The following N4BP2 variants were observed in gnomAD, a reference collection of about 807,000 sequenced individuals.
The protein encoded by N4BP2 is NEDD4-binding protein 2.
In N4BP2, 91 loss-of-function variants were observed where a neutral mutation model predicts 152.8. The ratio of observed to expected loss-of-function variants is 0.60; its 90% CI spans 0.50 to 0.71. The LOEUF is 0.71. Ranked by LOEUF, N4BP2 falls within the 30% of genes least tolerant of loss-of-function variation. The pLI is 0.00. For missense variants in N4BP2, 1,923 were observed against 2,059.1 expected, an observed-to-expected ratio of 0.93 and a Z score of 1.28; for synonymous variants, 646 against 705.3, an observed-to-expected ratio of 0.92 and a Z score of 1.33.
rs773806098 is a variant in N4BP2 at position 40,102,177 on chromosome 4, C to T, written c.332C>T (p.Ala111Val). ...SFVASENQVG[A>V]AESKIMEKRP... ...GTTGCTTCTGAGAACCAAGTAGGTG[C>T]AGCAGAAAGTAAAATAATGGAAAAA... Residue 111 changes from alanine to valine, a missense_variant, in exon 4 of 18, where the codon GCA becomes GTA. Ala to Val is a moderately conservative substitution (Grantham distance 64). Transcript: ENST00000261435. 1.2e-6 allele frequency: 2 copies of T among 1,613,772 alleles called. No homozygotes were observed. The highest frequency in any genetic ancestry group is 1.7e-4 in the Middle Eastern group (1 of 6,058).
the N4BP2 span, among the ~76,000 whole-genome samples, chr4:40,184,170 G>A: frequency 6.6e-6 from 1 of 152,176 alleles, no homozygotes; most frequent in Non-Finnish European, 1.5e-5. Flanking sequence ...TGACTATCGG[G>A]CAGGTAGTCA....
chr4:40,189,470 T>C, the N4BP2 span, among the ~76,000 whole-genome samples: 1 of 152,150 alleles, frequency 6.6e-6, no homozygotes, highest in African/African-American at 2.4e-5. This position sits in a 1 kb window ranked among gnomAD's most constrained non-coding sequence, Gnocchi z 4.3. Context: ...AGCTGCGTGA[T>C]CAGCTTCTCC....
At chr4:40,149,902 G>GAAAAAAAA (rs534686637) in intron 16 of N4BP2, among the ~76,000 whole-genome samples, 1 of 95,314 alleles carries the variant, frequency 1.0e-5, no homozygotes, top group Non-Finnish European at 2.2e-5. Flanking sequence ...ATCTCAAAAA[G>GAAAAAAAA]AAAAAAAAAA....
At chr4:40,169,121 G>T in the N4BP2 span, among the ~76,000 whole-genome samples, 6 of 151,582 alleles carry the variant, frequency 4.0e-5, no homozygotes, top group African/African-American at 1.5e-4. Context: ...GGTGGTTCTC[G>T]CCTGTAATCC....
chr4:40,158,499 G>A (rs562290979), downstream of N4BP2, among the ~76,000 whole-genome samples: 4 of 152,182 alleles, frequency 2.6e-5, no homozygotes, highest in South Asian at 4.1e-4. Flanking sequence ...TCAAAATTAA[G>A]AATTATATCT....
At chr4:40,098,102 G>A (rs1455738107) in intron 3 of N4BP2, among the ~76,000 whole-genome samples, 1 of 152,150 alleles carries the variant, frequency 6.6e-6, no homozygotes, top group East Asian at 1.9e-4. Context: ...TTTTACTCCT[G>A]TATCTTCAGC....
intron 8 of N4BP2, among the ~76,000 whole-genome samples, chr4:40,119,457 C>CT (rs1009037957): frequency 6.6e-6 from 1 of 152,140 alleles, no homozygotes; most frequent in African/African-American, 2.4e-5. Flanking sequence ...AATGAAAGCT[C>CT]TTTTTTTCTA....
chr4:40,062,519 T>G (rs1478375388), intron 1 of N4BP2, among the ~76,000 whole-genome samples: 5 of 152,010 alleles, frequency 3.3e-5, no homozygotes, highest in African/African-American at 1.2e-4. Context: ...TGCTTAAAAC[T>G]TTTTTGTGAC....
intron 8 of N4BP2, among the ~76,000 whole-genome samples, chr4:40,118,574 C>T (rs1330609044): frequency 6.6e-6 from 1 of 152,134 alleles, no homozygotes; most frequent in Non-Finnish European, 1.5e-5. Context: ...TTATTGTCCT[C>T]AGAGTTTTGT....
At chr4:40,170,681 A>T in the N4BP2 span, among the ~76,000 whole-genome samples, 2 of 152,122 alleles carry the variant, frequency 1.3e-5, no homozygotes, top group Non-Finnish European at 2.9e-5. Context: ...GACCTCATCC[A>T]TTTTTGTGTT....
chr4:40,110,312 A>G (rs985369435), intron 5 of N4BP2, among the ~76,000 whole-genome samples: 3 of 152,244 alleles, frequency 2.0e-5, no homozygotes, highest in South Asian at 4.1e-4. Context: ...CTTTTTAGGA[A>G]CTGCCATGCT....
At chr4:40,098,408 T>G (rs1171200211) in intron 3 of N4BP2, among the ~76,000 whole-genome samples, 1 of 152,172 alleles carries the variant, frequency 6.6e-6, no homozygotes, top group Non-Finnish European at 1.5e-5. Flanking sequence ...AAGTCTTCAG[T>G]ATGGTAGGTT....
At chr4:40,104,319 T>TGGG (rs1231473937) in intron 4 of N4BP2, among the ~76,000 whole-genome samples, 2 of 151,888 alleles carry the variant, frequency 1.3e-5, no homozygotes, top group Admixed American at 1.3e-4. Flanking sequence ...CATTATCAGT[T>TGGG]GGGTCTCTAT....
At chr4:40,104,246 C>G (rs1259534553) in intron 4 of N4BP2, among the ~76,000 whole-genome samples, 1 of 151,114 alleles carries the variant, frequency 6.6e-6, no homozygotes, top group Non-Finnish European at 1.5e-5. Flanking sequence ...GCCACCGCGC[C>G]TGGCTTGCTA....
intron 4 of N4BP2, among the ~76,000 whole-genome samples, chr4:40,104,807 CT>C (rs397976537): frequency 1.7e-3 from 239 of 142,386 alleles, no homozygotes; most frequent in Middle Eastern, 3.6e-3. Flanking sequence ...CCTGCGTTGT[CT>C]TTTTTTTTTT....
the N4BP2 span, among the ~76,000 whole-genome samples, chr4:40,167,983 A>G: frequency 1.3e-5 from 2 of 152,144 alleles, no homozygotes. Flanking sequence ...GAATAGAGTA[A>G]CTTGGTGGGG....
In N4BP2 at chr4:40,102,392, G is replaced by A. The variant is rs1485502371; in HGVS notation, c.547G>A (p.Asp183Asn). The A allele has an allele frequency of 3.7e-6, 6 of 1,611,898 alleles. No individual in the cohort carries two copies. The highest frequency in any genetic ancestry group is 4.5e-5 in the East Asian group (2 of 44,846). ...FNDSSEFINP[D>N]SSNMTPIFST... ...TGACTCAAGTGAGTTTATAAATCCTGATTCAAGTAATATGACTCCCATTTT... is the reference window on the plus strand; with the variant it reads ...TGACTCAAGTGAGTTTATAAATCCTAATTCAAGTAATATGACTCCCATTTT... Residue 183 changes from aspartate to asparagine, a missense_variant, in exon 4 of 18, where the codon GAT becomes AAT. Coordinates refer to ENST00000261435, the MANE Select transcript of N4BP2 (RefSeq NM_018177.6).
chr4:40,122,334 T>C, intron 9 of N4BP2, 25 bp downstream of exon 9: 2 of 1,419,952 alleles, frequency 1.4e-6, no homozygotes, highest in Middle Eastern at 1.8e-4. Flanking sequence ...AATGACCATG[T>C]GTGTGTCTTT....
the N4BP2 span, chr4:40,166,786 T>C: frequency 3.3e-5 from 5 of 152,210 alleles, no homozygotes; most frequent in African/African-American, 1.2e-4. Context: ...ATGGGGTACA[T>C]GAGATATTTT....
Sources: allele counts gnomAD v4.1 joint callset (sites outside exome capture counted in the v4.1 genomes callset), GRCh38; gene constraint gnomAD v4.1.1; non-coding constraint Gnocchi (gnomAD v3.1); transcripts MANE v1.5; gene names NCBI Gene and HGNC (gene_info 2026-07-23, HGNC 2026-07-21).